The following ACOXL variants were observed in gnomAD, a reference collection of about 807,000 sequenced individuals.
ACOXL encodes acyl-CoA oxidase like.
A neutral mutation model predicts 71.9 loss-of-function variants in ACOXL; 70 were observed. That is an observed-to-expected ratio of 0.97 (90% CI 0.80 to 1.19). ACOXL has a LOEUF of 1.19. Ranked by LOEUF, ACOXL falls within the 50% of genes most tolerant of loss-of-function variation. The pLI is 0.00. For missense variants in ACOXL, 703 were observed against 736.3 expected (o/e 0.95, Z 0.52); for synonymous variants, 253 against 281.6 (o/e 0.90, Z 1.02).
At chr2:110,951,654 A>T (rs187612411) in intron 12 of ACOXL, among the ~76,000 whole-genome samples, 1 of 152,358 alleles carries the variant, frequency 6.6e-6, no homozygotes, top group Admixed American at 6.5e-5. Context: ...AGTTTTGTGC[A>T]TGTGTGCATT....
intron 11 of ACOXL, among the ~76,000 whole-genome samples, chr2:110,919,546 TA>T (rs2059989505): frequency 6.6e-6 from 1 of 151,348 alleles, no homozygotes; most frequent in Non-Finnish European, 1.5e-5. Flanking sequence ...CCCCAGAACT[TA>T]AACTATAATA....
At chr2:110,755,302 T>C (rs970654774) in intron 1 of ACOXL, among the ~76,000 whole-genome samples, 2 of 152,098 alleles carry the variant, frequency 1.3e-5, no homozygotes, top group Admixed American at 1.3e-4. Context: ...AACACTAATA[T>C]TTGCCTAATC....
chr2:111,022,300 G>A (rs555423968), intron 14 of ACOXL, among the ~76,000 whole-genome samples: 1 of 152,106 alleles, frequency 6.6e-6, no homozygotes, highest in South Asian at 2.1e-4. Flanking sequence ...AGGAGGCAGT[G>A]GTTGTGGTGA....
chr2:110,799,493 C>T (rs1018114705), intron 7 of ACOXL, among the ~76,000 whole-genome samples: 1 of 152,156 alleles, frequency 6.6e-6, no homozygotes, highest in Non-Finnish European at 1.5e-5. Context: ...GTCCTGAGGA[C>T]TGACTCAGTG....
chr2:110,740,154 A>G (rs1313045635), intron 1 of ACOXL, among the ~76,000 whole-genome samples: 1 of 152,236 alleles, frequency 6.6e-6, no homozygotes, highest in Non-Finnish European at 1.5e-5. Flanking sequence ...TATTCATAAG[A>G]AGAGATTTCT....
chr2:110,956,836 A>G (rs1179300235), intron 12 of ACOXL, among the ~76,000 whole-genome samples: 2 of 152,240 alleles, frequency 1.3e-5, no homozygotes, highest in African/African-American at 4.8e-5. Flanking sequence ...TGCCATATAC[A>G]AAGTTTGGAT....
At chr2:111,055,860 C>T (rs2066508250) in intron 16 of ACOXL, among the ~76,000 whole-genome samples, 1 of 152,006 alleles carries the variant, frequency 6.6e-6, no homozygotes, top group South Asian at 2.1e-4. Context: ...TGTGGGTGGG[C>T]TGTGGTTTGG....
intron 16 of ACOXL, among the ~76,000 whole-genome samples, chr2:111,061,002 G>A (rs187533615): frequency 6.6e-6 from 1 of 152,274 alleles, no homozygotes; most frequent in African/African-American, 2.4e-5. Context: ...GAAAAACAAA[G>A]AGAGCAGAGC....
intron 14 of ACOXL, among the ~76,000 whole-genome samples, chr2:111,002,631 G>A (rs1360442652): frequency 2.0e-5 from 3 of 151,992 alleles, no homozygotes; most frequent in Non-Finnish European, 2.9e-5. Context: ...ATGGTATTAG[G>A]GTCCACATTT....
At chr2:110,966,614 C>A (rs1328652863) in intron 12 of ACOXL, among the ~76,000 whole-genome samples, 1 of 152,258 alleles carries the variant, frequency 6.6e-6, no homozygotes, top group African/African-American at 2.4e-5. Flanking sequence ...CCTCTTGCCT[C>A]ACCTGACATC....
At chr2:111,055,486 C>T (rs1028750688) in intron 16 of ACOXL, among the ~76,000 whole-genome samples, 1 of 152,258 alleles carries the variant, frequency 6.6e-6, no homozygotes, top group African/African-American at 2.4e-5. Context: ...CTTCCTTCTG[C>T]AGGTGGCTCT....
At chr2:110,886,899 G>T (rs1176409813) in intron 10 of ACOXL, 1 of 1,539,460 alleles carries the variant, frequency 6.5e-7, no homozygotes, top group Non-Finnish European at 8.8e-7. Context: ...ACGCTTGCTC[G>T]TGAAATCAGC....
chr2:111,028,423 T>A (rs568300725), intron 14 of ACOXL, among the ~76,000 whole-genome samples: 1 of 151,998 alleles, frequency 6.6e-6, no homozygotes, highest in South Asian at 2.1e-4. Context: ...CCCAAAGTGC[T>A]GGGTTTGCAG....
chr2:110,967,211 A>C (rs1380202495), intron 12 of ACOXL, among the ~76,000 whole-genome samples: 1 of 152,268 alleles, frequency 6.6e-6, no homozygotes. Context: ...AGGGGACCAA[A>C]TTCAAATGAT....
chr2:111,058,693 A>G (rs1303360047), intron 16 of ACOXL, among the ~76,000 whole-genome samples: 1 of 152,220 alleles, frequency 6.6e-6, no homozygotes, highest in Non-Finnish European at 1.5e-5. Flanking sequence ...AAACTTTGAG[A>G]TGGGGAAAAA....
chr2:110,821,241 G>A (rs953601385), intron 9 of ACOXL, among the ~76,000 whole-genome samples: 3 of 152,098 alleles, frequency 2.0e-5, no homozygotes, highest in African/African-American at 7.2e-5. Flanking sequence ...ACAAGGATAA[G>A]CTCTCTTTTG....
intron 2 of ACOXL, among the ~76,000 whole-genome samples, chr2:110,778,715 T>C (rs1439237071): frequency 1.3e-5 from 2 of 152,224 alleles, no homozygotes; most frequent in Non-Finnish European, 2.9e-5. Context: ...CAGACAGTGT[T>C]TGGGCACATA....
chr2:110,872,200 A>C (rs550387834), intron 10 of ACOXL, among the ~76,000 whole-genome samples: 1 of 152,242 alleles, frequency 6.6e-6, no homozygotes, highest in Admixed American at 6.5e-5. Flanking sequence ...GAAGGAGTAC[A>C]TGGAAGCTGC....
chr2:111,004,574 G>A (rs555164599), intron 14 of ACOXL, among the ~76,000 whole-genome samples: 7 of 152,218 alleles, frequency 4.6e-5, no homozygotes, highest in Non-Finnish European at 8.8e-5. Flanking sequence ...TCCCTTGCTT[G>A]CCCCACTCCC....
Sources: allele counts gnomAD v4.1 joint callset (sites outside exome capture counted in the v4.1 genomes callset), GRCh38; gene constraint gnomAD v4.1.1; transcripts MANE v1.5; gene names NCBI Gene and HGNC (gene_info 2026-07-23, HGNC 2026-07-21).